PARD3B: variants seen among roughly 807,000 people sequenced by gnomAD.
PARD3B encodes partitioning defective 3 homolog B.
Under a neutral mutation model 130.2 loss-of-function variants are expected in PARD3B, and 103 were observed. The observed-to-expected ratio is 0.79, with a 90% CI of 0.67 to 0.93. The LOEUF is 0.93. Ranked by LOEUF, PARD3B falls within the 40% of genes least tolerant of loss-of-function variation. The pLI is 0.00. For missense variants in PARD3B, 1,609 were observed against 1,499.2 expected (o/e 1.07, Z -1.21); for synonymous variants, 583 against 553.2 (o/e 1.05, Z -0.76).
chr2:205,417,866 G>A (rs568859308), intron 19 of PARD3B, among the ~76,000 whole-genome samples: 1 of 152,310 alleles, frequency 6.6e-6, no homozygotes, highest in Non-Finnish European at 1.5e-5. Flanking sequence ...ACCCCCAGTG[G>A]AGGCCTTTAT....
intron 4 of PARD3B, among the ~76,000 whole-genome samples, chr2:205,087,372 T>C (rs917174102): frequency 1.3e-5 from 2 of 152,240 alleles, no homozygotes; most frequent in African/African-American, 4.8e-5. Flanking sequence ...CTTCTTTTTA[T>C]ACCAATCAAA....
chr2:205,216,960 A>G (rs2037947281), intron 15 of PARD3B, among the ~76,000 whole-genome samples: 1 of 151,814 alleles, frequency 6.6e-6, no homozygotes, highest in African/African-American at 2.4e-5. Context: ...TCGCACCCAT[A>G]TTTGTCACTG....
chr2:204,948,725 GATTCAGAGAAATT>G (rs1689532616), intron 2 of PARD3B, among the ~76,000 whole-genome samples: 1 of 152,088 alleles, frequency 6.6e-6, no homozygotes, highest in South Asian at 2.1e-4. Context: ...TTTCCCTCTT[GATTCAGAGAAATT>G]ATTTGTCTTA....
chr2:205,072,997 A>G (rs563079986), intron 4 of PARD3B, among the ~76,000 whole-genome samples: 245 of 152,292 alleles, frequency 1.6e-3, no homozygotes, highest in Non-Finnish European at 2.6e-3. Flanking sequence ...TGATTTTCCT[A>G]AGTCCTATCT....
intron 1 of PARD3B, among the ~76,000 whole-genome samples, chr2:204,661,060 T>C (rs2035793645): frequency 6.6e-6 from 1 of 152,186 alleles, no homozygotes; most frequent in Admixed American, 6.5e-5. Context: ...AGGCCTCCTT[T>C]TAAGTCAGGC....
At chr2:205,041,314 G>A (rs1249261045) in intron 3 of PARD3B, among the ~76,000 whole-genome samples, 1 of 152,136 alleles carries the variant, frequency 6.6e-6, no homozygotes, top group East Asian at 1.9e-4. Context: ...AACAGTCAGT[G>A]GGCTGAAGCC....
chr2:204,598,222 T>C (rs2033374755), intron 1 of PARD3B, among the ~76,000 whole-genome samples: 1 of 152,212 alleles, frequency 6.6e-6, no homozygotes, highest in Non-Finnish European at 1.5e-5. Flanking sequence ...GTAGTTCTTT[T>C]ATTTGTGAAT....
At chr2:205,038,646 C>T (rs1460331053) in intron 3 of PARD3B, among the ~76,000 whole-genome samples, 1 of 152,172 alleles carries the variant, frequency 6.6e-6, no homozygotes, top group African/African-American at 2.4e-5. Flanking sequence ...GTAGCACTGG[C>T]TTTCCAATTT....
At chr2:204,716,515 G>T (rs935086105) in intron 2 of PARD3B, among the ~76,000 whole-genome samples, 5 of 151,960 alleles carry the variant, frequency 3.3e-5, no homozygotes, top group African/African-American at 1.2e-4. Context: ...AGCACTAAAG[G>T]ATGTACTTGG....
At chr2:205,529,468 T>TA (rs1559182962) in intron 21 of PARD3B, among the ~76,000 whole-genome samples, 1 of 152,168 alleles carries the variant, frequency 6.6e-6, no homozygotes, top group East Asian at 1.9e-4. Flanking sequence ...TGTTCTTCTG[T>TA]AGGAATCACT....
chr2:204,790,828 G>A (rs1410514648), intron 2 of PARD3B, among the ~76,000 whole-genome samples: 2 of 152,176 alleles, frequency 1.3e-5, no homozygotes, highest in African/African-American at 4.8e-5. Context: ...AAATGGGCTG[G>A]GTGTGGTGGC....
chr2:205,594,516 C>G (rs1002120467), intron 22 of PARD3B, among the ~76,000 whole-genome samples: 3 of 152,062 alleles, frequency 2.0e-5, no homozygotes, highest in Non-Finnish European at 4.4e-5. Context: ...ACCCAAATAG[C>G]TATAGGGGCA....
At chr2:204,924,930 T>C (rs1281682995) in intron 2 of PARD3B, among the ~76,000 whole-genome samples, 1 of 151,366 alleles carries the variant, frequency 6.6e-6, no homozygotes, top group Non-Finnish European at 1.5e-5. Context: ...GAAGAAGAAA[T>C]TCTGCCAACT....
intron 18 of PARD3B, among the ~76,000 whole-genome samples, chr2:205,306,467 C>A (rs1460006705): frequency 6.6e-6 from 1 of 152,092 alleles, no homozygotes; most frequent in Non-Finnish European, 1.5e-5. Context: ...CTTCACATAT[C>A]CCATTTTCTA....
intron 4 of PARD3B, among the ~76,000 whole-genome samples, chr2:205,053,555 G>A (rs1699382934): frequency 1.3e-5 from 2 of 151,612 alleles, no homozygotes; most frequent in Non-Finnish European, 1.5e-5. Context: ...CAGGACAATC[G>A]CTTGAACCTG....
At chr2:205,138,058 T>C (rs1377820046) in intron 10 of PARD3B, among the ~76,000 whole-genome samples, 1 of 152,202 alleles carries the variant, frequency 6.6e-6, no homozygotes, top group East Asian at 1.9e-4. Context: ...TGCACTGTTC[T>C]ATAGCCGAAT....
chr2:204,833,362 C>T (rs573302050), intron 2 of PARD3B, among the ~76,000 whole-genome samples: 2 of 152,232 alleles, frequency 1.3e-5, no homozygotes, highest in East Asian at 3.9e-4. Context: ...GTTAACACAG[C>T]AGAGCCAGAA....
intron 13 of PARD3B, among the ~76,000 whole-genome samples, chr2:205,184,118 G>A (rs1357219812): frequency 6.6e-6 from 1 of 152,098 alleles, no homozygotes; most frequent in Non-Finnish European, 1.5e-5. Context: ...CCCCATTAGA[G>A]GGGACAGTCT....
chr2:205,098,867 A>C (rs1702566090), intron 4 of PARD3B, among the ~76,000 whole-genome samples: 1 of 152,164 alleles, frequency 6.6e-6, no homozygotes, highest in Non-Finnish European at 1.5e-5. Flanking sequence ...TAAAGCTAAA[A>C]ATAGTGCGGT....
Sources: gnomAD v4.1 joint callset for allele counts (sites outside exome capture counted in the v4.1 genomes callset) on GRCh38, gnomAD v4.1.1 for gene constraint, MANE v1.5 for transcripts, NCBI Gene and HGNC (gene_info 2026-07-23, HGNC 2026-07-21) for gene names.